The following ATL1 variants were observed in gnomAD, a reference collection of about 807,000 sequenced individuals.
ATL1 encodes atlastin-1.
In ATL1, 31 loss-of-function variants were observed where a neutral mutation model predicts 75.5. That is an observed-to-expected ratio of 0.41 (90% CI 0.31 to 0.55). ATL1 has a LOEUF of 0.55. Among genes scored for constraint, ATL1 ranks in the 20% least tolerant of loss-of-function variants. The probability of loss-of-function intolerance (pLI) is 0.27; values close to 1 mark genes in which losing one functional copy is unlikely to be tolerated. For synonymous variants in ATL1, 226 were observed against 233.3 expected, an observed-to-expected ratio of 0.97 and a Z score of 0.28; for missense variants, 405 against 662.6, an observed-to-expected ratio of 0.61 and a Z score of 4.27.
In ATL1 at chr14:50,632,272, T is replaced by C; in HGVS notation, c.1610T>C (p.Leu537Pro). Reference sequence around the variant, plus strand: ...AGTGCAGCAGCAACCCACAGACATCTGTATCATCAAGCTTTCCCTACACCA... The same window carrying C: ...AGTGCAGCAGCAACCCACAGACATCCGTATCATCAAGCTTTCCCTACACCA... ...LYSAAATHRH[L>P]YHQAFPTPKS... Residue 537 changes from leucine to proline, a missense_variant, in exon 14 of 14, where the codon CTG (leucine) becomes CCG (proline). Around this residue, in one of 5 missense-constraint regions of ATL1, gnomAD observed 163 missense variants for 244.1 expected, o/e 0.67. Coordinates refer to ENST00000358385, the MANE Select transcript of ATL1 (RefSeq NM_015915.5). 8 of 1,612,544 alleles carry C rather than the reference T, an allele frequency of 5.0e-6. No individual in the cohort carries two copies. Among genetic ancestry groups the C allele is most frequent in the Non-Finnish European group, 6.8e-6 (8 of 1,179,308 alleles).
intron 1 of ATL1, among the ~76,000 whole-genome samples, chr14:50,563,021 T>A (rs571060784): frequency 2.6e-5 from 4 of 152,348 alleles, no homozygotes; most frequent in African/African-American, 9.6e-5. Context: ...AGCTAGTAGA[T>A]GATTGACCCA....
intron 4 of ATL1, 45 bp downstream of exon 4, chr14:50,591,684 T>A: frequency 7.6e-7 from 1 of 1,308,680 alleles, no homozygotes; most frequent in Non-Finnish European, 1.1e-6. Flanking sequence ...AACTAAAAAT[T>A]ATGAGTATAT....
intron 1 of ATL1, among the ~76,000 whole-genome samples, chr14:50,580,038 C>G (rs1373303693): frequency 1.3e-5 from 2 of 152,186 alleles, no homozygotes; most frequent in African/African-American, 4.8e-5. Flanking sequence ...ATCTACTGCT[C>G]TGTGACTTGT....
rs572478707 is a variant in ATL1 at position 50,550,206 on chromosome 14, A to G, written c.-139-9921A>G. On this transcript the variant is annotated intron_variant, in intron 1 of 13. Transcript: ENST00000441560. ...CATAGGCAAGGCTGGAAGCTTACCAATTGGCTACTATACCCACTCCTAGAG... is the reference window on the plus strand; with the variant it reads ...CATAGGCAAGGCTGGAAGCTTACCAGTTGGCTACTATACCCACTCCTAGAG... 4.6e-5 allele frequency among the ~76,000 whole-genome samples: 7 copies of G among 152,350 alleles called. No individual in the cohort carries two copies. The South Asian group carries it at 1.2e-3, about 27-fold the overall frequency.
intron 2 of ATL1, 54 bp from the exon 3 acceptor site, chr14:50,590,887 A>G: frequency 6.3e-7 from 1 of 1,582,264 alleles, no homozygotes; most frequent in Non-Finnish European, 8.7e-7. Flanking sequence ...GAATGAATGG[A>G]AAAAACTATA....
rs1566733212 is a variant in ATL1, at chr14:50,620,860, A to G, written c.990+134A>G. The stretch of plus-strand genomic sequence containing the variant: ...GGAATCTATAAAAAGGATTTTAAAA[A>G]TCCTTTCTAAAAAGCTTTTTCAAAA... On this transcript the variant is annotated intron_variant, in intron 9 of 13. Coordinates refer to ENST00000358385, the MANE Select transcript of ATL1 (RefSeq NM_015915.5). The G allele has an allele frequency of 4.4e-6, 5 of 1,129,862 alleles. No homozygotes were observed. In the East Asian group the frequency reaches 1.1e-4, roughly 24 times the overall value. The allele number at this position is 1,129,862 out of a possible 1,614,324, so 70.0% of individuals were successfully genotyped here.
At chr14:50,625,349 G>A (rs2039507681) in intron 11 of ATL1, among the ~76,000 whole-genome samples, 1 of 152,192 alleles carries the variant, frequency 6.6e-6, no homozygotes, top group Non-Finnish European at 1.5e-5. Flanking sequence ...AACATAAAGT[G>A]CAAGGTGAAG....
chr14:50,563,116 T>C (rs1035601472), intron 1 of ATL1, among the ~76,000 whole-genome samples: 9 of 152,360 alleles, frequency 5.9e-5, no homozygotes, highest in African/African-American at 1.9e-4. Flanking sequence ...TATTATATTA[T>C]AGAACTACAG....
intron 6 of ATL1, among the ~76,000 whole-genome samples, chr14:50,604,990 T>C (rs2039303928): frequency 6.6e-6 from 1 of 152,028 alleles, no homozygotes; most frequent in African/African-American, 2.4e-5. Flanking sequence ...CCTTGGTTAC[T>C]GGATCAAGCA....
chr14:50,592,752 A>G (rs953323898), intron 4 of ATL1, among the ~76,000 whole-genome samples: 10 of 151,040 alleles, frequency 6.6e-5, no homozygotes, highest in African/African-American at 2.4e-4. Context: ...TCTACTAAAA[A>G]TACAAAAAAT....
intron 6 of ATL1, among the ~76,000 whole-genome samples, chr14:50,601,408 T>G (rs1255349999): frequency 6.6e-6 from 1 of 152,198 alleles, no homozygotes; most frequent in African/African-American, 2.4e-5. Flanking sequence ...GAAGTGCAAG[T>G]GTAACCAGTG....
At chr14:50,582,204 G>A (rs1255768855) in intron 1 of ATL1, among the ~76,000 whole-genome samples, 4 of 151,370 alleles carry the variant, frequency 2.6e-5, no homozygotes, top group Non-Finnish European at 5.9e-5. Context: ...GCTTAAACCC[G>A]GGAGGCAGAG....
chr14:50,589,780 G>A (rs1422531938), intron 2 of ATL1, among the ~76,000 whole-genome samples: 3 of 152,168 alleles, frequency 2.0e-5, no homozygotes, highest in Non-Finnish European at 4.4e-5. Flanking sequence ...ATGCCTTTTA[G>A]AACAAGATAG....
intron 1 of ATL1, among the ~76,000 whole-genome samples, chr14:50,565,450 A>G (rs922956813): frequency 6.7e-6 from 1 of 149,770 alleles, no homozygotes; most frequent in South Asian, 2.2e-4. Context: ...GCACCACTGT[A>G]CTCCAGCCTG....
rs2039188039 is a variant in ATL1 at position 50,593,923 on chromosome 14, G to C, written c.573+27G>C. ...TAACAATATTTATTTTCTTTTTTGTGTATCTGGTAGTCTTTGAAACATGTA... is the reference window on the plus strand; with the variant it reads ...TAACAATATTTATTTTCTTTTTTGTCTATCTGGTAGTCTTTGAAACATGTA... On this transcript the variant is annotated intron_variant, in intron 5 of 13. Transcript: ENST00000358385. The C allele has an allele frequency of 3.9e-6, 6 of 1,535,856 alleles. No individual in the cohort carries two copies. In the Admixed American group the frequency reaches 8.4e-5, roughly 21 times the overall value.
At chr14:50,572,860 A>G (rs935232047) in intron 1 of ATL1, among the ~76,000 whole-genome samples, 2 of 152,186 alleles carry the variant, frequency 1.3e-5, no homozygotes, top group African/African-American at 2.4e-5. Context: ...TATACCCTAG[A>G]CTAGGTAATT....
At chr14:50,537,087 A>C (rs1039840593) in intron 1 of ATL1, among the ~76,000 whole-genome samples, 4 of 152,250 alleles carry the variant, frequency 2.6e-5, no homozygotes, top group African/African-American at 7.2e-5. Flanking sequence ...ATCACAGGCC[A>C]GGAGACCTAG....
rs1844889818 is a variant in ATL1, at chr14:50,629,903, A to T, written c.1552-92A>T. The T allele has an allele frequency of 2.7e-5, 26 of 980,790 alleles. No individual in the cohort carries two copies. The South Asian group carries it at 4.1e-4, about 15-fold the overall frequency. 60.8% of individuals were successfully genotyped at this position (980,790 alleles called of 1,614,324 possible). On this transcript the variant is annotated intron_variant, in intron 12 of 13. Coordinates refer to ENST00000358385, the MANE Select transcript of ATL1 (RefSeq NM_015915.5). ...GGAGTATCTGTTCTGAAATGCTCAC[A>T]AATTAATATTGTAAGCAAAGTTGAT... is the stretch of plus-strand genomic sequence containing the variant.
chr14:50,549,752 G>A (rs1460651462), intron 1 of ATL1, among the ~76,000 whole-genome samples: 1 of 152,058 alleles, frequency 6.6e-6, no homozygotes, highest in Non-Finnish European at 1.5e-5. Context: ...AACAGGGGCA[G>A]GACTCACAGA....
Sources: allele counts gnomAD v4.1 joint callset (sites outside exome capture counted in the v4.1 genomes callset), GRCh38; gene constraint gnomAD v4.1.1; regional missense constraint gnomAD v4.1.1; transcripts MANE v1.5; gene names NCBI Gene and HGNC (gene_info 2026-07-23, HGNC 2026-07-21).